UBE3A: variants seen among roughly 807,000 people sequenced by gnomAD.
UBE3A encodes the protein ubiquitin protein ligase E3A.
In UBE3A, 6 loss-of-function variants were observed where a neutral mutation model predicts 83.4. The ratio of observed to expected loss-of-function variants is 0.07; its 90% CI spans 0.04 to 0.14. The LOEUF is 0.14. UBE3A is among the 10% of genes least tolerant of loss of function. The pLI, the probability that UBE3A is intolerant of heterozygous loss-of-function variation, is 1.00. For synonymous variants in UBE3A, 337 were observed against 355.4 expected, an observed-to-expected ratio of 0.95 and a Z score of 0.58; for missense variants, 456 against 1,036.1, an observed-to-expected ratio of 0.44 and a Z score of 7.69.
chr15:25,405,620 T>C (rs2088338068), intron 3 of UBE3A, 118 bp from the exon 4 acceptor site: 4 of 1,094,826 alleles, frequency 3.7e-6, no homozygotes. Flanking sequence ...ATAAAACAGT[T>C]TTAAAATTAA....
chr15:25,418,187 A>G (rs998926755), intron 1 of UBE3A: 1 of 152,176 alleles, frequency 6.6e-6, no homozygotes, highest in Non-Finnish European at 1.5e-5. Flanking sequence ...TTAAATGACT[A>G]TTGTCAACTA....
intron 11 of UBE3A, among the ~76,000 whole-genome samples, chr15:25,353,876 G>T (rs2076865750): frequency 6.6e-6 from 1 of 151,970 alleles, no homozygotes; most frequent in Non-Finnish European, 1.5e-5. Flanking sequence ...GAGAATTCAG[G>T]GCTTAGTTTT....
At chr15:25,372,213 A>T (rs2080412543) in intron 5 of UBE3A, among the ~76,000 whole-genome samples, 3 of 152,200 alleles carry the variant, frequency 2.0e-5, no homozygotes, top group Admixed American at 6.5e-5. Context: ...AAATACTACT[A>T]ATCTGTGAGT....
chr15:25,372,385 C>G (rs1479046127), intron 5 of UBE3A, among the ~76,000 whole-genome samples: 2 of 152,132 alleles, frequency 1.3e-5, no homozygotes, highest in Non-Finnish European at 2.9e-5. Context: ...AAGAATATAC[C>G]ATTTCTCATC....
chr15:25,371,156 A>G lies in UBE3A; in HGVS notation c.1018T>C (p.Phe340Leu). ...ADQIRRMMETFQQLITYKVIS... is the reference protein window; with the variant it reads ...ADQIRRMMETLQQLITYKVIS... Reference sequence around the variant, plus strand: ...ACTTTATAAGTAATAAGTTGCTGAAATGTCTCCATCATTCTCCGAATCTGG... The same window carrying G: ...ACTTTATAAGTAATAAGTTGCTGAAGTGTCTCCATCATTCTCCGAATCTGG... Residue 340 changes from phenylalanine to leucine, a missense_variant, in exon 6 of 13, where the codon TTT (phenylalanine) becomes CTT (leucine). Around this residue, in one of 13 missense-constraint regions of UBE3A, gnomAD observed 85 missense variants for 137.0 expected, o/e 0.62. Transcript: ENST00000648336. The surrounding 1 kb of genome is among the most constrained non-coding windows in gnomAD (Gnocchi z 5.3). 1 of 1,614,158 alleles carries G rather than the reference A, an allele frequency of 6.2e-7. No individual in the cohort carries two copies. Among genetic ancestry groups the G allele is most frequent in the East Asian group, 2.2e-5 (1 of 44,878 alleles).
rs115552177 is a variant in UBE3A, at chr15:25,356,382, C to T, written c.1959+309G>A. On this transcript the variant is annotated intron_variant, in intron 8 of 12. Transcript: ENST00000648336. ...CACACTCGTTGTAACTACCAAGACC[C>T]TTAGCCAGGGCTACTCTGATTTTTA... is the stretch of plus-strand genomic sequence containing the variant. Among the ~76,000 whole-genome samples, 1,222 of 152,226 alleles carry T rather than the reference C, an allele frequency of 8.0e-3. 20 individuals carry two copies. The highest frequency in any genetic ancestry group is 0.028 in the African/African-American group (1,171 of 41,528).
At chr15:25,382,825 T>C (rs1022427806) in intron 4 of UBE3A, among the ~76,000 whole-genome samples, 3 of 152,094 alleles carry the variant, frequency 2.0e-5, no homozygotes, top group South Asian at 4.2e-4. Flanking sequence ...TGAACAACTA[T>C]GACCCAAAAA....
At position 25,337,242 on chromosome 15, in the gene UBE3A, A is replaced by G. The variant is rs1046118960; in HGVS notation, c.*1895T>C. ...TAATAAAACTTGAGAACTGAAGAGC[A>G]CACATTTCTTCACGAATTTATTATA... On this transcript the variant is annotated 3_prime_UTR_variant, in exon 13 of 13. Coordinates refer to ENST00000648336, the MANE Select transcript of UBE3A (RefSeq NM_130839.5). 1 of 152,190 alleles carries G rather than the reference A, an allele frequency of 6.6e-6. No homozygotes were observed. The highest frequency in any genetic ancestry group is 1.5e-5 in the Non-Finnish European group (1 of 68,020). The allele number at this position is 152,190 out of a possible 1,614,324, so 9.4% of individuals were successfully genotyped here.
chr15:25,373,448 G>A (rs925746260), intron 5 of UBE3A: 13 of 152,086 alleles, frequency 8.5e-5, no homozygotes, highest in Admixed American at 6.6e-4. Context: ...ATCCTATATA[G>A]AATGTACCTA....
chr15:25,411,947 A>T lies in UBE3A; in HGVS notation c.-140T>A, dbSNP rs572646833. Reference sequence around the variant, plus strand: ...CTTCTGAGGAGCTGGTGAATTCTAAAATCAGGCTCTTACAGATTTTTAACC... The same window carrying T: ...CTTCTGAGGAGCTGGTGAATTCTAATATCAGGCTCTTACAGATTTTTAACC... On this transcript the variant is annotated 5_prime_UTR_variant, in exon 2 of 13. Transcript: ENST00000648336. 5 of 152,330 alleles carry T rather than the reference A, an allele frequency of 3.3e-5. No individual in the cohort carries two copies. The highest frequency in any genetic ancestry group is 6.5e-5 in the Admixed American group (1 of 15,302). The allele number at this position is 152,330 out of a possible 1,614,324, so 9.4% of individuals were successfully genotyped here.
chr15:25,337,189 A>G lies in UBE3A; in HGVS notation c.*1948T>C, dbSNP rs923156506. On this transcript the variant is annotated 3_prime_UTR_variant, in exon 13 of 13. Transcript: ENST00000648336. ...ACTTGTCATATGGATACGTTATTAC[A>G]ATTGTAGAACTTTAATAAATACCAT... The G allele has an allele frequency of 6.6e-6, 1 of 152,192 alleles. No homozygotes were observed. Among genetic ancestry groups the G allele is most frequent in the Non-Finnish European group, 1.5e-5 (1 of 68,028 alleles). The allele number at this position is 152,192 out of a possible 1,614,324, so 9.4% of individuals were successfully genotyped here. A position where few individuals can be genotyped will look rare whatever the true frequency, so the allele number is the denominator to read the frequency against.
chr15:25,424,142 C>A (rs1313308941), intron 1 of UBE3A, among the ~76,000 whole-genome samples: 1 of 152,120 alleles, frequency 6.6e-6, no homozygotes, highest in African/African-American at 2.4e-5. Context: ...AAATCAAACA[C>A]CTTATTATGA....
rs192541770 is a variant in UBE3A, at chr15:25,358,046, G to A, written c.1754-1150C>T. 4.0e-3 allele frequency among the ~76,000 whole-genome samples: 608 copies of A among 151,716 alleles called. 2 individuals carry two copies. The highest frequency in any genetic ancestry group is 0.014 in the African/African-American group (581 of 41,358). ...CTCCGGAGTAGTTGGGACTACAGGC[G>A]CCTGCGTGGAGGCCTTTTTTATATC... On this transcript the variant is annotated intron_variant, in intron 7 of 12. Transcript: ENST00000648336.
At position 25,334,012 on chromosome 15, in the gene UBE3A, G is replaced by A. The variant is rs1270249229; in HGVS notation, c.*5125C>T. ...CATACTCAATGGTGAAAGACTGAAT[G>A]CTTTCCCCTTAAAATCAGGAACAAG... On this transcript the variant is annotated 3_prime_UTR_variant, in exon 13 of 13. Transcript: ENST00000648336. 1 of 151,796 alleles carries A rather than the reference G, an allele frequency of 6.6e-6. No individual in the cohort carries two copies. Among genetic ancestry groups the A allele is most frequent in the African/African-American group, 2.4e-5 (1 of 41,310 alleles). The allele number at this position is 151,796 out of a possible 1,614,324, so 9.4% of individuals were successfully genotyped here. A position where few individuals can be genotyped will look rare whatever the true frequency, so the allele number is the denominator to read the frequency against.
rs1057522487 is a variant in UBE3A at position 25,355,884 on chromosome 15, T to C, written c.2124+8A>G. 34 of 1,609,858 alleles carry C rather than the reference T, an allele frequency of 2.1e-5. No homozygotes were observed. Among genetic ancestry groups the C allele is most frequent in the Non-Finnish European group, 2.8e-5 (33 of 1,177,546 alleles). ...AGAGACAAAATGTGACATAAAAACA[T>C]TTATTACCTTCCTGTTTTCATTTGT... On this transcript the variant is annotated splice_region_variant and intron_variant, in intron 9 of 12. Transcript: ENST00000648336.
At chr15:25,404,972 G>T (rs2088120029) in intron 4 of UBE3A, among the ~76,000 whole-genome samples, 1 of 151,982 alleles carries the variant, frequency 6.6e-6, no homozygotes. Flanking sequence ...TGCATACCTG[G>T]GTACTCCAGT....
intron 3 of UBE3A, 157 bp from the exon 4 acceptor site, chr15:25,405,659 A>C (rs2088349741): frequency 6.6e-6 from 5 of 752,354 alleles, no homozygotes; most frequent in Non-Finnish European, 2.2e-6. Context: ...AAGTGGTCAG[A>C]TCAGGTGGCC....
chr15:25,387,648 GA>G (rs2083411513), intron 4 of UBE3A, among the ~76,000 whole-genome samples: 1 of 152,076 alleles, frequency 6.6e-6, no homozygotes, highest in Non-Finnish European at 1.5e-5. Flanking sequence ...CAATGAAATT[GA>G]AAACAAGATA....
chr15:25,396,810 T>G (rs1275567799), intron 4 of UBE3A, among the ~76,000 whole-genome samples: 1 of 152,158 alleles, frequency 6.6e-6, no homozygotes, highest in Non-Finnish European at 1.5e-5. Context: ...TATGCTCTTC[T>G]ACATCCTAGG....
Sources: allele counts gnomAD v4.1 joint callset (sites outside exome capture counted in the v4.1 genomes callset), GRCh38; gene constraint gnomAD v4.1.1; regional missense constraint gnomAD v4.1.1; non-coding constraint Gnocchi (gnomAD v3.1); transcripts MANE v1.5; gene names NCBI Gene and HGNC (gene_info 2026-07-23, HGNC 2026-07-21).